The following PDE8B variants were observed in gnomAD, a reference collection of about 807,000 sequenced individuals.
PDE8B encodes the protein high affinity cAMP-specific and IBMX-insensitive 3',5'-cyclic phosphodiesterase 8B.
PDE8B carries 26 observed loss-of-function variants against 101.3 expected under a neutral mutation model. That is an observed-to-expected ratio of 0.26 (90% CI 0.19 to 0.36). PDE8B has a LOEUF of 0.36. PDE8B is among the 10% of genes least tolerant of loss of function. The pLI, the probability that PDE8B is intolerant of heterozygous loss-of-function variation, is 1.00. For synonymous variants in PDE8B, 424 were observed against 429.3 expected (o/e 0.99, Z 0.15); for missense variants, 810 against 1,163.1 (o/e 0.70, Z 4.42).
intron 1 of PDE8B, among the ~76,000 whole-genome samples, chr5:77,287,428 ATT>A (rs935199531): frequency 6.7e-6 from 1 of 149,448 alleles, no homozygotes; most frequent in African/African-American, 2.5e-5. Context: ...GCACTTAGGT[ATT>A]TTTTTTTCTT....
chr5:77,132,072 A>T, the PDE8B span, among the ~76,000 whole-genome samples: 1 of 152,230 alleles, frequency 6.6e-6, no homozygotes, highest in African/African-American at 2.4e-5. Context: ...TTATTCAATA[A>T]ATGATAAAAT....
the PDE8B span, among the ~76,000 whole-genome samples, chr5:77,097,408 T>C: frequency 6.6e-6 from 1 of 151,856 alleles, no homozygotes; most frequent in African/African-American, 2.4e-5. Flanking sequence ...AATTAAGAAT[T>C]AGGAGAGTAA....
chr5:77,106,672 T>C, the PDE8B span, among the ~76,000 whole-genome samples: 1 of 152,184 alleles, frequency 6.6e-6, no homozygotes, highest in Non-Finnish European at 1.5e-5. Context: ...ATGTTCAATC[T>C]GTGAGCCAAT....
At chr5:77,357,958 C>T (rs886156342) in intron 10 of PDE8B, among the ~76,000 whole-genome samples, 5 of 152,222 alleles carry the variant, frequency 3.3e-5, no homozygotes, top group South Asian at 4.1e-4. Flanking sequence ...TGGTTCCCAC[C>T]GCCAGGCCAG....
At chr5:77,113,363 A>G in the PDE8B span, 1 of 152,220 alleles carries the variant, frequency 6.6e-6, no homozygotes, top group South Asian at 2.1e-4. Context: ...AACACCACAC[A>G]TCTACAACCA....
chr5:77,423,541 T>G (rs908773143), intron 20 of PDE8B, among the ~76,000 whole-genome samples: 1 of 152,120 alleles, frequency 6.6e-6, no homozygotes, highest in Non-Finnish European at 1.5e-5. Flanking sequence ...TTCTGACTTT[T>G]TAATAGCCAT....
At chr5:77,180,675 T>G in the PDE8B span, among the ~76,000 whole-genome samples, 1 of 152,216 alleles carries the variant, frequency 6.6e-6, no homozygotes, top group Non-Finnish European at 1.5e-5. Context: ...CTCCTTCCTT[T>G]CCAGGCGGGA....
chr5:77,096,197 C>G, the PDE8B span, among the ~76,000 whole-genome samples: 1 of 152,134 alleles, frequency 6.6e-6, no homozygotes, highest in Admixed American at 6.5e-5. Flanking sequence ...GCTTTGTTGG[C>G]AGGCTGGTCT....
intron 17 of PDE8B, among the ~76,000 whole-genome samples, chr5:77,413,832 A>T (rs1206368286): frequency 6.6e-6 from 1 of 152,134 alleles, no homozygotes. Flanking sequence ...CATATCCCTT[A>T]GTCTTACAGT....
intron 1 of PDE8B, among the ~76,000 whole-genome samples, chr5:77,252,301 T>C (rs1758227230): frequency 6.6e-6 from 1 of 152,234 alleles, no homozygotes; most frequent in Non-Finnish European, 1.5e-5. Context: ...TTTAGCCTCC[T>C]TTTACCCTTG....
chr5:77,208,798 C>T (rs1226629712), upstream of PDE8B, among the ~76,000 whole-genome samples: 1 of 152,178 alleles, frequency 6.6e-6, no homozygotes, highest in African/African-American at 2.4e-5. Context: ...TGCCCAAGGT[C>T]GCTGAGGTGG....
chr5:77,416,823 A>T (rs1310534468), intron 17 of PDE8B, among the ~76,000 whole-genome samples: 2 of 152,096 alleles, frequency 1.3e-5, no homozygotes, highest in Non-Finnish European at 2.9e-5. Flanking sequence ...GGCCTAGGAG[A>T]GCAAATTCTG....
chr5:77,397,501 T>C (rs1221980740), intron 10 of PDE8B, among the ~76,000 whole-genome samples: 1 of 152,120 alleles, frequency 6.6e-6, no homozygotes, highest in East Asian at 1.9e-4. Flanking sequence ...TCTCCCACCT[T>C]TACACAACCC....
At chr5:77,395,092 T>C (rs954155373) in intron 10 of PDE8B, among the ~76,000 whole-genome samples, 7 of 152,158 alleles carry the variant, frequency 4.6e-5, no homozygotes, top group Admixed American at 4.6e-4. Flanking sequence ...TTAAGAACTT[T>C]GTTTGAACCC....
the PDE8B span, among the ~76,000 whole-genome samples, chr5:77,107,601 A>G: frequency 3.9e-5 from 6 of 152,174 alleles, no homozygotes; most frequent in East Asian, 9.6e-4. Context: ...CCTGTTCACC[A>G]TCTTAGGGAG....
chr5:77,247,097 G>A (rs375999563), intron 1 of PDE8B, among the ~76,000 whole-genome samples: 31 of 152,196 alleles, frequency 2.0e-4, no homozygotes, highest in African/African-American at 7.2e-4. Flanking sequence ...TGTGCTATGG[G>A]CGTTTCCTCT....
intron 10 of PDE8B, among the ~76,000 whole-genome samples, chr5:77,382,206 C>G (rs1787625414): frequency 6.6e-6 from 1 of 152,128 alleles, no homozygotes; most frequent in South Asian, 2.1e-4. Context: ...GTTGCTTGAT[C>G]ATATAACCAT....
chr5:77,180,254 C>A, the PDE8B span, among the ~76,000 whole-genome samples: 1 of 152,184 alleles, frequency 6.6e-6, no homozygotes, highest in Admixed American at 6.5e-5. Flanking sequence ...CACCCGCCGG[C>A]CCGGGGACGC....
intron 10 of PDE8B, among the ~76,000 whole-genome samples, chr5:77,355,654 C>T (rs748178188): frequency 6.6e-6 from 1 of 152,216 alleles, no homozygotes; most frequent in Non-Finnish European, 1.5e-5. Flanking sequence ...CTGTTGTCTT[C>T]CTCTCCTCTG....
Sources: allele counts gnomAD v4.1 joint callset (sites outside exome capture counted in the v4.1 genomes callset), GRCh38; gene constraint gnomAD v4.1.1; transcripts MANE v1.5; gene names NCBI Gene and HGNC (gene_info 2026-07-23, HGNC 2026-07-21).